The following ESR1 variants were observed in gnomAD, a reference collection of about 807,000 sequenced individuals.
ESR1 encodes estrogen receptor.
In ESR1, 12 loss-of-function variants were observed where a neutral mutation model predicts 52.7. That is an observed-to-expected ratio of 0.23 (90% CI 0.15 to 0.37). ESR1 has a LOEUF of 0.37. Ranked by LOEUF, ESR1 falls within the 10% of genes least tolerant of loss-of-function variation. The pLI, the probability that ESR1 is intolerant of heterozygous loss-of-function variation, is 1.00. For missense variants in ESR1, 584 were observed against 779.7 expected, an observed-to-expected ratio of 0.75 and a Z score of 2.99; for synonymous variants, 305 against 316.8, an observed-to-expected ratio of 0.96 and a Z score of 0.39.
At chr6:152,042,812 C>G (rs956680323) in intron 5 of ESR1, among the ~76,000 whole-genome samples, 2 of 152,208 alleles carry the variant, frequency 1.3e-5, no homozygotes, top group Admixed American at 1.3e-4. Context: ...GAGCTCTACA[C>G]AAGTCAGACT....
At chr6:151,808,510 G>A in intron 1 of ESR1, 146 bp downstream of exon 1, 1 of 606,120 alleles carries the variant, frequency 1.6e-6, no homozygotes, top group East Asian at 3.5e-5. Flanking sequence ...CGGGGCGCGC[G>A]GCCCAGCCCG....
intron 4 of ESR1, among the ~76,000 whole-genome samples, chr6:151,991,927 T>C (rs1168034237): frequency 6.6e-6 from 1 of 152,108 alleles, no homozygotes; most frequent in Admixed American, 6.6e-5. Flanking sequence ...ATACTCCTGG[T>C]TGACTTGCTC....
At chr6:151,936,167 C>T (rs2034331373) in intron 3 of ESR1, 1 of 152,196 alleles carries the variant, frequency 6.6e-6, no homozygotes, top group South Asian at 2.1e-4. Flanking sequence ...TAATCTGTAT[C>T]AGAGAGCATC....
chr6:152,008,692 G>T (rs1158269857), intron 4 of ESR1, among the ~76,000 whole-genome samples: 1 of 152,000 alleles, frequency 6.6e-6, no homozygotes, highest in Non-Finnish European at 1.5e-5. Flanking sequence ...TCTTTTTGAG[G>T]TTTATTTAGG....
intron 3 of ESR1, among the ~76,000 whole-genome samples, chr6:151,914,962 G>A (rs557786999): frequency 4.6e-5 from 7 of 152,104 alleles, no homozygotes; most frequent in East Asian, 3.9e-4. Context: ...CTATACCAAC[G>A]GAAATTTTGG....
intron 2 of ESR1, among the ~76,000 whole-genome samples, chr6:151,785,954 T>A (rs1786981083): frequency 1.3e-5 from 2 of 152,116 alleles, no homozygotes; most frequent in South Asian, 4.1e-4. Flanking sequence ...GGGAGGAAAA[T>A]CTTGGTGCGG....
chr6:152,025,205 C>CTTTTTTTTTTTTTTTTTTTTTTTTT (rs144645557), intron 5 of ESR1, among the ~76,000 whole-genome samples: 1 of 127,472 alleles, frequency 7.8e-6, no homozygotes, highest in South Asian at 2.4e-4. Context: ...CTTCATCACG[C>CTTTTTTTTTTTTTTTTTTTTTTTTT]TTTTTTTTTT....
rs368415257 is a variant in ESR1 at position 151,729,137 on chromosome 6, AG to A, written c.-71+27134del. Among the ~76,000 whole-genome samples, 21 of 152,298 alleles carry A rather than the reference AG, an allele frequency of 1.4e-4. No individual in the cohort carries two copies. The East Asian group carries it at 3.9e-3, about 28-fold the overall frequency. On this transcript the variant is annotated intron_variant, in intron 2 of 2. Transcript: ENST00000404742. ...GAGGAGAGGCTGTTGAGAGGTGATTAGGCCATGAGGGTGGAACCCTCAAGAA... is the reference window on the plus strand; with the variant it reads ...GAGGAGAGGCTGTTGAGAGGTGATTAGCCATGAGGGTGGAACCCTCAAGAA...
chr6:152,091,047 C>T (rs1252614855), intron 6 of ESR1, among the ~76,000 whole-genome samples: 1 of 152,214 alleles, frequency 6.6e-6, no homozygotes, highest in Non-Finnish European at 1.5e-5. Flanking sequence ...AGGGTCCACA[C>T]TGTCTGCTCA....
intron 3 of ESR1, among the ~76,000 whole-genome samples, chr6:151,920,033 C>T (rs1404355326): frequency 2.0e-5 from 3 of 152,190 alleles, no homozygotes; most frequent in African/African-American, 7.2e-5. Flanking sequence ...TTTTAAGCAG[C>T]AAGGATAGAA....
At chr6:151,997,650 A>G (rs1323246808) in intron 4 of ESR1, among the ~76,000 whole-genome samples, 1 of 152,120 alleles carries the variant, frequency 6.6e-6, no homozygotes, top group African/African-American at 2.4e-5. Flanking sequence ...AACCTAGGTA[A>G]TTTTTCAGCA....
chr6:151,763,276 G>A (rs899134289), intron 2 of ESR1, among the ~76,000 whole-genome samples: 1 of 150,744 alleles, frequency 6.6e-6, no homozygotes, highest in African/African-American at 2.5e-5. Flanking sequence ...ATCACTTGTT[G>A]TCTTTCCATA....
chr6:151,686,189 A>T (rs562937788), upstream of ESR1, among the ~76,000 whole-genome samples: 2 of 147,996 alleles, frequency 1.4e-5, no homozygotes, highest in South Asian at 4.2e-4. Context: ...TGACATTGTC[A>T]TTTGAAGAAA....
intron 1 of ESR1, among the ~76,000 whole-genome samples, chr6:151,669,167 A>AGG (rs1562319469): frequency 7.8e-6 from 1 of 127,716 alleles, no homozygotes; most frequent in South Asian, 2.9e-4. Context: ...AGAGAGAGAG[A>AGG]GAGAGAGAGA....
chr6:151,930,864 A>T (rs1389703074), intron 3 of ESR1, among the ~76,000 whole-genome samples: 1 of 151,984 alleles, frequency 6.6e-6, no homozygotes, highest in East Asian at 1.9e-4. Flanking sequence ...TTCTTTATTA[A>T]TGTACGGTTT....
intron 6 of ESR1, among the ~76,000 whole-genome samples, chr6:152,077,688 C>T (rs902553418): frequency 4.6e-4 from 70 of 152,244 alleles, no homozygotes; most frequent in African/African-American, 1.6e-3. Flanking sequence ...GGATGTGAGA[C>T]ATTCAGTCAA....
At chr6:151,687,819 A>T (rs545843629), upstream of ESR1, among the ~76,000 whole-genome samples, 7 of 152,294 alleles carry the variant, frequency 4.6e-5, 1 homozygote, top group South Asian at 2.1e-4. Flanking sequence ...CTCTTTTTTT[A>T]AAAAAATAAA....
rs771850558 is a variant in ESR1 at position 151,880,819 on chromosome 6, C to G, written c.760+48C>G. 3 of 950,302 alleles carry G rather than the reference C, an allele frequency of 3.2e-6. No homozygotes were observed. The South Asian group carries it at 3.9e-5, about 12-fold the overall frequency. The allele number at this position is 950,302 out of a possible 1,614,324, so 58.9% of individuals were successfully genotyped here. ...CCCTTGGGGATGGCCCTGGCCACCG[C>G]CCAGTGCTGGCTCTACCCATTGGAA... On this transcript the variant is annotated intron_variant, in intron 3 of 7. Transcript: ENST00000206249.
intron 6 of ESR1, among the ~76,000 whole-genome samples, chr6:152,076,972 G>T (rs2128999326): frequency 6.6e-6 from 1 of 152,290 alleles, no homozygotes; most frequent in South Asian, 2.1e-4. Context: ...ATTCAAGCTG[G>T]CTGCAGAAAT....
Sources: gnomAD v4.1 joint callset for allele counts (sites outside exome capture counted in the v4.1 genomes callset) on GRCh38, gnomAD v4.1.1 for gene constraint, MANE v1.5 for transcripts, NCBI Gene and HGNC (gene_info 2026-07-23, HGNC 2026-07-21) for gene names.